The following INVS variants were observed in gnomAD, a reference collection of about 807,000 sequenced individuals.
INVS encodes inversin.
A neutral mutation model predicts 108.8 loss-of-function variants in INVS; 86 were observed. That is an observed-to-expected ratio of 0.79 (90% CI 0.66 to 0.95). The LOEUF (loss-of-function observed/expected upper bound fraction) is 0.95. Ranked by LOEUF, INVS falls within the 40% of genes least tolerant of loss-of-function variation. INVS has a pLI of 0.00. For synonymous variants in INVS, 455 were observed against 473.5 expected (o/e 0.96, Z 0.51); for missense variants, 1,169 against 1,297.4 (o/e 0.90, Z 1.52).
At chr9:100,165,784 T>C (rs959415523) in intron 3 of INVS, among the ~76,000 whole-genome samples, 2 of 152,234 alleles carry the variant, frequency 1.3e-5, no homozygotes, top group Non-Finnish European at 2.9e-5. Flanking sequence ...ATGAGCCTAG[T>C]ATTTGATAGC....
chr9:100,286,001 T>C (rs1241140811), intron 13 of INVS, among the ~76,000 whole-genome samples: 1 of 152,182 alleles, frequency 6.6e-6, no homozygotes, highest in Non-Finnish European at 1.5e-5. Flanking sequence ...GCCCTGACCT[T>C]ATGGACTTTC....
intron 9 of INVS, 32 bp downstream of exon 9, chr9:100,252,470 C>G (rs1252802599): frequency 2.5e-6 from 4 of 1,593,142 alleles, no homozygotes; most frequent in Non-Finnish European, 2.6e-6. Flanking sequence ...TAATAAGTCT[C>G]TCTTAACAGG....
intron 10 of INVS, among the ~76,000 whole-genome samples, chr9:100,262,085 C>T (rs1308713140): frequency 6.6e-6 from 1 of 151,038 alleles, no homozygotes. Flanking sequence ...GGAGTAAGCC[C>T]CATATATATT....
intron 3 of INVS, among the ~76,000 whole-genome samples, chr9:100,169,572 C>A (rs1437328990): frequency 6.6e-6 from 1 of 152,078 alleles, no homozygotes. Context: ...TTTATGAGTC[C>A]ATTCTCTATG....
intron 7 of INVS, among the ~76,000 whole-genome samples, chr9:100,244,844 C>T (rs895336166): frequency 2.0e-5 from 3 of 152,116 alleles, no homozygotes; most frequent in African/African-American, 7.2e-5. Context: ...AGCAAAAAAT[C>T]ACAAACTTTT....
At position 100,100,677 on chromosome 9, in the gene INVS, TATAATATATATATTATATATGTAC is replaced by T. The variant is rs1564111342; in HGVS notation, c.-25+1265_-25+1288del. On this transcript the variant is annotated intron_variant, in intron 1 of 16. Coordinates refer to ENST00000262457, the MANE Select transcript of INVS (RefSeq NM_014425.5). ...ATAATATATATATTATATATGTACATATAATATATATATTATATATGTACATATAATATATATATTATATGTACA... is the reference window on the plus strand; with the variant it reads ...ATAATATATATATTATATATGTACATATATAATATATATATTATATGTACA... Among the ~76,000 whole-genome samples, 9 of 43,330 alleles carry T rather than the reference TATAATATATATATTATATATGTAC, an allele frequency of 2.1e-4. 1 individual carries two copies. The highest frequency in any genetic ancestry group is 2.5e-4 in the Non-Finnish European group (7 of 27,868). 28.4% of individuals were successfully genotyped at this position (43,330 alleles called of 152,430 possible).
chr9:100,100,716 T>A (rs574768803), intron 1 of INVS, among the ~76,000 whole-genome samples: 1 of 32,556 alleles, frequency 3.1e-5, no homozygotes, highest in African/African-American at 1.3e-4. Flanking sequence ...AATATATATA[T>A]TATATGTACA....
intron 10 of INVS, among the ~76,000 whole-genome samples, chr9:100,262,816 G>A (rs533142395): frequency 1.3e-5 from 2 of 152,166 alleles, no homozygotes; most frequent in South Asian, 4.2e-4. Flanking sequence ...CATGATCATG[G>A]CTCATTGTAA....
At chr9:100,254,444 G>T (rs976460382) in intron 10 of INVS, among the ~76,000 whole-genome samples, 10 of 152,016 alleles carry the variant, frequency 6.6e-5, no homozygotes, top group African/African-American at 1.2e-4. Context: ...GTCAATTTTG[G>T]CTTTTGTTGC....
At chr9:100,179,176 G>A (rs145879281) in intron 3 of INVS, among the ~76,000 whole-genome samples, 1,646 of 152,264 alleles carry the variant, frequency 0.011, 16 homozygotes, top group African/African-American at 0.016. Flanking sequence ...TGCAGCCACT[G>A]CAAAAACATA....
chr9:100,262,073 C>T (rs1832643053), intron 10 of INVS, among the ~76,000 whole-genome samples: 1 of 150,298 alleles, frequency 6.7e-6, no homozygotes, highest in Non-Finnish European at 1.5e-5. Flanking sequence ...CCTTGCATTT[C>T]TGGAGTAAGC....
chr9:100,219,881 GAT>G (rs61219577), intron 3 of INVS, among the ~76,000 whole-genome samples: 127 of 147,484 alleles, frequency 8.6e-4, no homozygotes, highest in Middle Eastern at 3.5e-3. Context: ...GTCGTTTATG[GAT>G]ATATATATAT....
At chr9:100,154,297 T>C (rs1828897001) in intron 3 of INVS, among the ~76,000 whole-genome samples, 1 of 149,634 alleles carries the variant, frequency 6.7e-6, no homozygotes, top group Admixed American at 6.7e-5. Flanking sequence ...CCTGAGTAGC[T>C]GGGATTATAG....
Position 100,292,469 on chromosome 9 carries a change from G to A in INVS, c.2212G>A (p.Gly738Arg). The change falls in exon 14 of 17, where the codon GGG becomes AGG. Residue 738 changes from glycine to arginine, a missense_variant. By Grantham distance (125) the Gly-to-Arg change is moderately radical. Transcript: ENST00000262457. ...ETAGDERCAK[G>R]KGFVKQPSCI... ...AGCTGGCGATGAGCGGTGTGCAAAG[G>A]GGAAAGGCTTCGTGAAGCAGCCCTC... 1 of 1,614,142 alleles carries A rather than the reference G, an allele frequency of 6.2e-7. No individual in the cohort carries two copies. The highest frequency in any genetic ancestry group is 8.5e-7 in the Non-Finnish European group (1 of 1,180,028).
intron 3 of INVS, among the ~76,000 whole-genome samples, chr9:100,132,226 C>CATGA (rs10534746): frequency 8.9e-4 from 134 of 151,122 alleles, no homozygotes; most frequent in East Asian, 1.8e-3. Flanking sequence ...TTAAGGAATA[C>CATGA]ATGAATGAAT....
intron 8 of INVS, among the ~76,000 whole-genome samples, chr9:100,250,423 GTT>G (rs1832193005): frequency 6.6e-6 from 1 of 152,096 alleles, no homozygotes; most frequent in African/African-American, 2.4e-5. Context: ...TGTCTTTCAT[GTT>G]ATAGCACTTC....
chr9:100,230,008 T>C (rs1216888526), intron 5 of INVS, among the ~76,000 whole-genome samples, 181 bp downstream of exon 5: 2 of 152,170 alleles, frequency 1.3e-5, no homozygotes, highest in Admixed American at 6.5e-5. Context: ...TAAGACCACA[T>C]AGAGGTTTCC....
At chr9:100,161,037 C>G (rs1292851051) in intron 3 of INVS, among the ~76,000 whole-genome samples, 2 of 149,010 alleles carry the variant, frequency 1.3e-5, no homozygotes, top group African/African-American at 2.4e-5. Context: ...ATTCCCTTTA[C>G]TACCATTTAG....
rs60762136 is a variant in INVS at position 100,189,106 on chromosome 9, C to CTTTTTTTTTTT, written c.274-36945_274-36935dup. Among the ~76,000 whole-genome samples, 115 of 69,502 alleles carry CTTTTTTTTTTT rather than the reference C, an allele frequency of 1.7e-3. 4 individuals carry two copies. Among genetic ancestry groups the CTTTTTTTTTTT allele is most frequent in the African/African-American group, 6.3e-3 (92 of 14,716 alleles). 45.6% of individuals were successfully genotyped at this position (69,502 alleles called of 152,430 possible). A position where few individuals can be genotyped will look rare whatever the true frequency, so the allele number is the denominator to read the frequency against. ...TTCTAATGGAACTTATTTGCATCTT[C>CTTTTTTTTTTT]TTTTTTTTTTTTTTTTTTTTTGGTT... On this transcript the variant is annotated intron_variant, in intron 3 of 16. Coordinates refer to ENST00000262457, the MANE Select transcript of INVS (RefSeq NM_014425.5).
Sources: allele counts gnomAD v4.1 joint callset (sites outside exome capture counted in the v4.1 genomes callset), GRCh38; gene constraint gnomAD v4.1.1; transcripts MANE v1.5; gene names NCBI Gene and HGNC (gene_info 2026-07-23, HGNC 2026-07-21).